Variants in C4BPA observed in about 807,000 individuals in gnomAD.
C4BPA encodes the protein complement component 4 binding protein alpha.
In C4BPA, 31 loss-of-function variants were observed where a neutral mutation model predicts 63.7. The observed-to-expected ratio is 0.49, with a 90% CI of 0.37 to 0.66. The LOEUF is 0.66. Ranked by LOEUF, C4BPA falls within the 30% of genes least tolerant of loss-of-function variation. C4BPA has a pLI of 0.00. For missense variants in C4BPA, 572 were observed against 723.3 expected, an observed-to-expected ratio of 0.79 and a Z score of 2.40; for synonymous variants, 259 against 254.7, an observed-to-expected ratio of 1.02 and a Z score of -0.16.
chr1:207,121,092 G>T (rs983715875), intron 4 of C4BPA, among the ~76,000 whole-genome samples: 1 of 152,186 alleles, frequency 6.6e-6, no homozygotes, highest in Non-Finnish European at 1.5e-5. Context: ...ACAGGCATGA[G>T]CCACTGTTCT....
chr1:207,136,050 T>A (rs1246540995), intron 9 of C4BPA, among the ~76,000 whole-genome samples: 1 of 152,248 alleles, frequency 6.6e-6, no homozygotes, highest in Non-Finnish European at 1.5e-5. Flanking sequence ...AATACACTTC[T>A]CTTCCTTTCA....
intron 4 of C4BPA, among the ~76,000 whole-genome samples, chr1:207,121,056 C>A: frequency 6.6e-6 from 1 of 152,190 alleles, no homozygotes; most frequent in African/African-American, 2.4e-5. Context: ...GATTCTCTTG[C>A]CCCGGTCTTC....
chr1:207,140,141 T>G (rs1242164540), intron 9 of C4BPA, among the ~76,000 whole-genome samples: 3 of 152,218 alleles, frequency 2.0e-5, no homozygotes, highest in African/African-American at 7.2e-5. Flanking sequence ...CTGCTATGGC[T>G]ATCAGTGAAC....
intron 1 of C4BPA, among the ~76,000 whole-genome samples, chr1:207,105,830 T>C (rs1251689582): frequency 6.6e-6 from 1 of 152,218 alleles, no homozygotes; most frequent in Admixed American, 6.5e-5. Context: ...GACTCTCAAA[T>C]TGCACTGCAT....
At chr1:207,104,769 T>C (rs1380619814) in intron 1 of C4BPA, among the ~76,000 whole-genome samples, 2 of 152,136 alleles carry the variant, frequency 1.3e-5, no homozygotes, top group Non-Finnish European at 2.9e-5. Context: ...CACATCAGAG[T>C]TGAGGCAAGG....
intron 10 of C4BPA, among the ~76,000 whole-genome samples, chr1:207,141,485 C>T (rs539609391): frequency 6.6e-6 from 1 of 152,358 alleles, no homozygotes; most frequent in South Asian, 2.1e-4. Flanking sequence ...CTCCCAATCA[C>T]AAAATTCAGC....
intron 9 of C4BPA, among the ~76,000 whole-genome samples, chr1:207,138,920 G>T: frequency 6.6e-6 from 1 of 152,054 alleles, no homozygotes; most frequent in Non-Finnish European, 1.5e-5. Flanking sequence ...ATTTTTTATT[G>T]TATTTTTTTA....
At chr1:207,113,656 C>CT (rs1684718339) in intron 2 of C4BPA, among the ~76,000 whole-genome samples, 1 of 152,194 alleles carries the variant, frequency 6.6e-6, no homozygotes, top group Admixed American at 6.5e-5. Flanking sequence ...CCCAGCCACC[C>CT]TGTTTCCCTT....
chr1:207,129,765 T>C (rs1209726942), intron 7 of C4BPA, among the ~76,000 whole-genome samples: 1 of 152,214 alleles, frequency 6.6e-6, no homozygotes, highest in Non-Finnish European at 1.5e-5. Flanking sequence ...TAAATTTTTA[T>C]AATTATTGTT....
intron 4 of C4BPA, among the ~76,000 whole-genome samples, chr1:207,118,224 T>TATCTATCTATCTATCTA (rs1553256051): frequency 2.0e-5 from 3 of 151,126 alleles, no homozygotes; most frequent in Admixed American, 6.6e-5. Flanking sequence ...TCTATCTATC[T>TATCTATCTATCTATCTA]ATCTATCTAT....
intron 9 of C4BPA, among the ~76,000 whole-genome samples, chr1:207,140,437 G>A (rs933974406): frequency 1.6e-4 from 24 of 151,140 alleles, no homozygotes; most frequent in African/African-American, 5.4e-4. Flanking sequence ...GCATCTTATT[G>A]TAGTACTTAT....
rs1179366869 is a variant in C4BPA, at chr1:207,124,187, A to C, written c.527A>C (p.Lys176Thr). 2 of 1,613,516 alleles carry C rather than the reference A, an allele frequency of 1.2e-6. No individual in the cohort carries two copies. The change falls in exon 6 of 12, where the codon AAG (lysine) becomes ACG (threonine). Residue 176 changes from lysine to threonine, a missense_variant. Lys to Thr is a moderately conservative substitution (Grantham distance 78). Coordinates refer to ENST00000367070, the MANE Select transcript of C4BPA (RefSeq NM_000715.4). ...PLPQCEIVKC[K>T]PPPDIRNGRH... ...TCACTTACCTCAGTTGTCAAGTGTA[A>C]GCCTCCTCCAGACATCAGGAATGGA... is the stretch of plus-strand genomic sequence containing the variant.
chr1:207,106,079 A>C (rs1572770614), intron 1 of C4BPA, among the ~76,000 whole-genome samples: 1 of 152,202 alleles, frequency 6.6e-6, no homozygotes, highest in Non-Finnish European at 1.5e-5. Context: ...AGCTTCTTCA[A>C]GATCACAGAC....
At chr1:207,141,350 TTCCCTG>T in intron 10 of C4BPA, 74 bp downstream of exon 10, 1 of 1,169,406 alleles carries the variant, frequency 8.6e-7, no homozygotes, top group Non-Finnish European at 1.2e-6. Flanking sequence ...GCTAAGTTTC[TTCCCTG>T]TCAGAGGCAG....
Position 207,124,195 on chromosome 1 carries a change from C to CCAGA in C4BPA, c.538_541dup (p.Ile181ArgfsTer10). 6.2e-7 allele frequency: 1 copy of CCAGA among 1,613,810 alleles called. No individual in the cohort carries two copies. The highest frequency in any genetic ancestry group is 8.5e-7 in the Non-Finnish European group (1 of 1,179,796). On this transcript the variant is annotated frameshift_variant, in exon 6 of 12. Coordinates refer to ENST00000367070, the MANE Select transcript of C4BPA (RefSeq NM_000715.4). LOFTEE classifies it high-confidence loss of function. ...CTCAGTTGTCAAGTGTAAGCCTCCT[C>CCAGA]CAGACATCAGGAATGGAAGGCACAG...
rs1684518200 is a variant in C4BPA, at chr1:207,104,344, G to C, written c.-112G>C. On this transcript the variant is annotated 5_prime_UTR_variant, in exon 1 of 12. Coordinates refer to ENST00000367070, the MANE Select transcript of C4BPA (RefSeq NM_000715.4). ...AAACTCTGATCTGGGGAGGAACCAG[G>C]ACTACATAGATCAAGGCAGTTTTCT... 6.6e-6 allele frequency: 1 copy of C among 152,174 alleles called. No individual in the cohort carries two copies. 9.4% of individuals were successfully genotyped at this position (152,174 alleles called of 1,614,324 possible). A position where few individuals can be genotyped will look rare whatever the true frequency, so the allele number is the denominator to read the frequency against.
In C4BPA at chr1:207,144,804, T is replaced by A; in HGVS notation, c.*87T>A. 4.0e-6 allele frequency: 3 copies of A among 742,514 alleles called. No individual in the cohort carries two copies. Among genetic ancestry groups the A allele is most frequent in the Non-Finnish European group, 6.1e-6 (3 of 495,540 alleles). The allele number at this position is 742,514 out of a possible 1,614,324, so 46.0% of individuals were successfully genotyped here. On this transcript the variant is annotated 3_prime_UTR_variant, in exon 12 of 12. Coordinates refer to ENST00000367070, the MANE Select transcript of C4BPA (RefSeq NM_000715.4). Reference sequence around the variant, plus strand: ...ATCAGTTTAGCAAATCTACTGTCAATTTGGCAGTGATATTCATCATAATAA... The same window carrying A: ...ATCAGTTTAGCAAATCTACTGTCAAATTGGCAGTGATATTCATCATAATAA...
In C4BPA at chr1:207,131,718, G is replaced by A; in HGVS notation, c.1062G>A (p.Trp354Ter). 6.2e-7 allele frequency: 1 copy of A among 1,612,116 alleles called. No individual in the cohort carries two copies. Among genetic ancestry groups the A allele is most frequent in the Non-Finnish European group, 8.5e-7 (1 of 1,179,390 alleles). ...TGATTTGTCAGAAAAATTTGAGATG[G>A]ACCCCATACCAAGGATGTGAGGGTG... ...TTVICQKNLR[W>*]TPYQGCEALC... The change falls in exon 8 of 12, where the codon TGG (tryptophan) becomes TGA (stop). Residue 354 changes from tryptophan to a stop codon, truncating the protein, a stop_gained. Coordinates refer to ENST00000367070, the MANE Select transcript of C4BPA (RefSeq NM_000715.4). LOFTEE classifies it high-confidence loss of function.
chr1:207,129,984 C>G (rs1685126994), intron 7 of C4BPA, among the ~76,000 whole-genome samples: 1 of 151,946 alleles, frequency 6.6e-6, no homozygotes, highest in African/African-American at 2.4e-5. Flanking sequence ...ATGTTATTGT[C>G]AAATATATTG....
Sources: gnomAD v4.1 joint callset for allele counts (sites outside exome capture counted in the v4.1 genomes callset) on GRCh38, gnomAD v4.1.1 for gene constraint, MANE v1.5 for transcripts, NCBI Gene and HGNC (gene_info 2026-07-23, HGNC 2026-07-21) for gene names.